Variants in CHD2 observed in about 807,000 individuals in gnomAD.
CHD2 encodes chromodomain helicase DNA binding protein 2.
In CHD2, 28 loss-of-function variants were observed where a neutral mutation model predicts 243.9. The observed-to-expected ratio is 0.11, with a 90% CI of 0.09 to 0.16. The LOEUF is 0.16. Ranked by LOEUF, CHD2 falls within the 10% of genes least tolerant of loss-of-function variation. CHD2 has a pLI of 1.00. For synonymous variants in CHD2, 775 were observed against 779.0 expected (o/e 0.99, Z 0.09); for missense variants, 1,386 against 2,209.8 (o/e 0.63, Z 7.47).
At chr15:93,008,991 T>TA (rs748609096) in intron 34 of CHD2, among the ~76,000 whole-genome samples, 154 bp from the exon 35 acceptor site, 1 of 152,208 alleles carries the variant, frequency 6.6e-6, no homozygotes, top group Non-Finnish European at 1.5e-5. Context: ...CTTGAATACT[T>TA]ACACTTACTC....
rs372219984 is a variant in CHD2, at chr15:92,946,059, C to T, written c.1220C>T (p.Pro407Leu). Residue 407 changes from proline (P) to leucine (L), a missense_variant, in exon 12 of 39, where the codon CCC (proline) becomes CTC (leucine). By Grantham distance (98) the Pro-to-Leu change is moderately conservative. Around this residue, in one of 19 missense-constraint regions of CHD2, gnomAD observed 200 missense variants for 292.5 expected, o/e 0.68. Coordinates refer to ENST00000394196, the MANE Select transcript of CHD2 (RefSeq NM_001271.4). The part of the protein sequence containing the change: ...DFPAHSRKPA[P>L]SNEPEYLCKW... ...ATAGCTCATAGTCGGAAGCCGGCAC[C>T]CTCAAATGAGCCCGAATATCTATGT... 29 of 1,594,370 alleles carry T rather than the reference C, an allele frequency of 1.8e-5. No individual in the cohort carries two copies. In the Admixed American group the frequency reaches 3.1e-4, roughly 17 times the overall value.
chr15:92,969,108 G>C (rs2053805838), intron 17 of CHD2, among the ~76,000 whole-genome samples: 1 of 152,192 alleles, frequency 6.6e-6, no homozygotes, highest in African/African-American at 2.4e-5. Context: ...TGTTACCTTA[G>C]TAACAACATG....
At chr15:92,991,735 CT>C (rs1417716171) in intron 27 of CHD2, 7 of 417,578 alleles carry the variant, frequency 1.7e-5, no homozygotes, top group Non-Finnish European at 2.9e-5. Flanking sequence ...CATAAAAAGA[CT>C]TTCACCTTCG....
chr15:92,903,651 A>G (rs2052563499), intron 2 of CHD2, among the ~76,000 whole-genome samples: 1 of 152,244 alleles, frequency 6.6e-6, no homozygotes, highest in African/African-American at 2.4e-5. Flanking sequence ...AATGATGGAC[A>G]TACGAGAAGT....
intron 32 of CHD2, among the ~76,000 whole-genome samples, chr15:93,001,224 G>C (rs187067959): frequency 4.1e-4 from 62 of 152,256 alleles, no homozygotes; most frequent in Admixed American, 9.8e-4. Context: ...TGCAAATGAC[G>C]GGGAGTGGTC....
At chr15:92,940,663 G>C (rs954423876) in intron 7 of CHD2, among the ~76,000 whole-genome samples, 1 of 150,338 alleles carries the variant, frequency 6.7e-6, no homozygotes, top group Non-Finnish European at 1.5e-5. Flanking sequence ...GTATAGCCTA[G>C]CACTTTTTCT....
At chr15:92,980,382 C>T (rs1308660347) in intron 22 of CHD2, among the ~76,000 whole-genome samples, 1 of 151,962 alleles carries the variant, frequency 6.6e-6, no homozygotes, top group Non-Finnish European at 1.5e-5. Context: ...AAGGTGTATT[C>T]AAATTAGCCC....
At chr15:93,008,358 C>A (rs1420620032) in intron 34 of CHD2, among the ~76,000 whole-genome samples, 1 of 152,160 alleles carries the variant, frequency 6.6e-6, no homozygotes, top group African/African-American at 2.4e-5. Context: ...ATATTTGCTG[C>A]TGGTTGGAGT....
intron 37 of CHD2, among the ~76,000 whole-genome samples, chr15:93,019,293 T>C (rs11637884): frequency 0.11 from 16,437 of 152,236 alleles, 958 homozygotes; most frequent in Middle Eastern, 0.25. Context: ...TACTCGCAGC[T>C]GTGAAACTCA....
chr15:92,970,621 C>T (rs2053828806), intron 17 of CHD2, among the ~76,000 whole-genome samples: 1 of 152,176 alleles, frequency 6.6e-6, no homozygotes, highest in South Asian at 2.1e-4. Flanking sequence ...TAAGTGGTAG[C>T]ATACCGTATA....
intron 34 of CHD2, among the ~76,000 whole-genome samples, chr15:93,007,350 T>C (rs28668136): frequency 0.17 from 26,222 of 152,310 alleles, 2,983 homozygotes; most frequent in Non-Finnish European, 0.25. Flanking sequence ...TTATTCAAAA[T>C]TGACATATTT....
intron 37 of CHD2, among the ~76,000 whole-genome samples, chr15:93,016,948 A>G (rs2054470174): frequency 6.6e-6 from 1 of 152,216 alleles, no homozygotes; most frequent in Admixed American, 6.5e-5. Context: ...GAAAATTCAA[A>G]TGGCCAATAT....
intron 1 of CHD2, 97 bp downstream of exon 1, chr15:92,900,921 G>C (rs1455933620): frequency 2.4e-6 from 1 of 421,692 alleles, no homozygotes; most frequent in Admixed American, 4.4e-5. Context: ...GACGCAATAA[G>C]ATACAGAGAT....
chr15:92,910,836 A>C (rs908107860), intron 2 of CHD2, among the ~76,000 whole-genome samples: 2 of 152,288 alleles, frequency 1.3e-5, no homozygotes, highest in Middle Eastern at 3.4e-3. Flanking sequence ...ACATTCTGAG[A>C]AGTATGTCGT....
Position 92,997,242 on chromosome 15 carries a change from ACTTT to A in CHD2, c.3735-6_3735-3del. 6.2e-7 allele frequency: 1 copy of A among 1,613,896 alleles called. No homozygotes were observed. Among genetic ancestry groups the A allele is most frequent in the Non-Finnish European group, 8.5e-7 (1 of 1,179,960 alleles). On this transcript the variant is annotated splice_region_variant and splice_polypyrimidine_tract_variant and intron_variant, in intron 29 of 38. Transcript: ENST00000394196. The surrounding 1 kb of genome is among the most constrained non-coding windows in gnomAD (Gnocchi z 4.1). The stretch of plus-strand genomic sequence containing the variant: ...TCTTCTAATGTCTTCCTGTTTTTAA[ACTTT>A]CTTTAGATACTGCTTAACCTGTCGT...
intron 16 of CHD2, among the ~76,000 whole-genome samples, chr15:92,959,301 G>T (rs1567142080): frequency 1.3e-5 from 2 of 152,158 alleles, no homozygotes; most frequent in African/African-American, 4.8e-5. Context: ...TTGGGAAATT[G>T]TTCTAGTATC....
intron 16 of CHD2, among the ~76,000 whole-genome samples, chr15:92,965,774 A>G (rs2053753982): frequency 6.6e-6 from 1 of 152,130 alleles, no homozygotes; most frequent in Non-Finnish European, 1.5e-5. Flanking sequence ...AACTCCCTTA[A>G]TATAATAAGA....
intron 2 of CHD2, among the ~76,000 whole-genome samples, chr15:92,907,480 C>T (rs1555435748): frequency 6.6e-6 from 1 of 152,166 alleles, no homozygotes; most frequent in Non-Finnish European, 1.5e-5. Context: ...TGATTTTATA[C>T]TTTGGATTTA....
intron 2 of CHD2, among the ~76,000 whole-genome samples, chr15:92,919,151 C>T (rs144060310): frequency 3.3e-5 from 5 of 150,756 alleles, no homozygotes; most frequent in Non-Finnish European, 7.4e-5. Context: ...CCACCATGCT[C>T]GGCCCATAAT....
Sources: gnomAD v4.1 joint callset for allele counts (sites outside exome capture counted in the v4.1 genomes callset) on GRCh38, gnomAD v4.1.1 for gene constraint, gnomAD v4.1.1 regional missense constraint, Gnocchi (gnomAD v3.1) non-coding constraint, MANE v1.5 for transcripts, NCBI Gene and HGNC (gene_info 2026-07-23, HGNC 2026-07-21) for gene names.